PLCG1: variants seen among roughly 807,000 people sequenced by gnomAD.
The protein encoded by PLCG1 is 1-phosphatidylinositol 4,5-bisphosphate phosphodiesterase gamma-1.
A neutral mutation model predicts 177.8 loss-of-function variants in PLCG1; 71 were observed. The observed-to-expected ratio is 0.40, with a 90% CI of 0.33 to 0.49. The LOEUF (loss-of-function observed/expected upper bound fraction) is 0.49, where lower values mean the gene tolerates loss of function less well. PLCG1 is among the 20% of genes least tolerant of loss of function. The pLI is 0.72. For synonymous variants in PLCG1, 658 were observed against 647.9 expected (o/e 1.02, Z -0.24); for missense variants, 1,281 against 1,709.0 (o/e 0.75, Z 4.42).
rs901713096 is a variant in PLCG1 at position 41,144,506 on chromosome 20, C to T, written c.217+6648C>T. On this transcript the variant is annotated intron_variant, in intron 1 of 31. Transcript: ENST00000685551. The surrounding 1 kb of genome is among the most constrained non-coding windows in gnomAD (Gnocchi z 4.1). Reference sequence around the variant, plus strand: ...GCTTGGCCCACCCAGACCTTTCCCACACTCCTACATGGGGGTGAATGTAGC... The same window carrying T: ...GCTTGGCCCACCCAGACCTTTCCCATACTCCTACATGGGGGTGAATGTAGC... Among the ~76,000 whole-genome samples, 30 of 152,148 alleles carry T rather than the reference C, an allele frequency of 2.0e-4. No homozygotes were observed. The highest frequency in any genetic ancestry group is 7.0e-4 in the African/African-American group (29 of 41,438).
rs2035236898 is a variant in PLCG1 at position 41,153,782 on chromosome 20, G to T, written c.218-5824G>T. On this transcript the variant is annotated intron_variant, in intron 1 of 31. Coordinates refer to ENST00000685551, the MANE Select transcript of PLCG1 (RefSeq NM_002660.3). The surrounding 1 kb of genome is among the most constrained non-coding windows in gnomAD (Gnocchi z 5.1). ...ATGGTGGTGTGCATCTGTAATCCCA[G>T]CTACTTGGGAGACTGAGGTATGAGA... is the stretch of plus-strand genomic sequence containing the variant. 6.6e-6 allele frequency among the ~76,000 whole-genome samples: 1 copy of T among 152,152 alleles called. No individual in the cohort carries two copies. Among genetic ancestry groups the T allele is most frequent in the South Asian group, 2.1e-4 (1 of 4,814 alleles).
Position 41,169,169 on chromosome 20 carries a change from G to A in PLCG1, c.2574G>A (p.Glu858=), listed in dbSNP as rs549911468. 8.7e-6 allele frequency: 14 copies of A among 1,609,702 alleles called. No individual in the cohort carries two copies. The Admixed American group carries it at 2.0e-4, about 23-fold the overall frequency. ...TCAACCCCGTGGCCCTGGAGCCGGA[G>A]AGGGAGGTAAGACCAGAACCACCTG... ...EMVNPVALEP[E]REHLDENSPL... is the part of the protein sequence containing the mutation. Residue 858 remains glutamate, a synonymous_variant, in exon 22 of 32, where the codon GAG becomes GAA. Coordinates refer to ENST00000685551, the MANE Select transcript of PLCG1 (RefSeq NM_002660.3).
At chr20:41,169,714 C>T in intron 23 of PLCG1, 188 bp downstream of exon 23, 1 of 600,890 alleles carries the variant, frequency 1.7e-6, no homozygotes, top group Middle Eastern at 4.5e-4. Context: ...GCTTTGACCC[C>T]TGCATGTTTA....
At position 41,163,722 on chromosome 20, in the gene PLCG1, CCTT is replaced by C; in HGVS notation, c.901_903del (p.Phe301del). On this transcript the variant is annotated inframe_deletion, in exon 10 of 32. Coordinates refer to ENST00000685551, the MANE Select transcript of PLCG1 (RefSeq NM_002660.3). This position sits in a 1 kb window ranked among gnomAD's most constrained non-coding sequence, Gnocchi z 5.2. ...CCACATGTTTCTGGACAGTTTGTCA[CCTT>C]CCTGTTCTCCAAAGAGAACAGTGTG... The C allele has an allele frequency of 6.2e-7, 1 of 1,604,188 alleles. No homozygotes were observed. Among genetic ancestry groups the C allele is most frequent in the South Asian group, 1.1e-5 (1 of 90,882 alleles).
Position 41,166,842 on chromosome 20 carries a change from G to A in PLCG1, c.2284G>A (p.Glu762Lys). 2 of 1,614,170 alleles carry A rather than the reference G, an allele frequency of 1.2e-6. No individual in the cohort carries two copies. The highest frequency in any genetic ancestry group is 1.7e-6 in the Non-Finnish European group (2 of 1,180,038). Residue 762 changes from glutamate to lysine, a missense_variant, in exon 19 of 32, where the codon GAG becomes AAG. Transcript: ENST00000685551. This position sits in a 1 kb window ranked among gnomAD's most constrained non-coding sequence, Gnocchi z 8.6. ...CTATCCCATCAACGAGGAGGCACTG[G>A]AGAAGATTGGCACAGCTGTGAGGGG... The part of the protein sequence containing the change: ...LRYPINEEAL[E>K]KIGTAEPDYG...
chr20:41,155,198 C>T (rs1168484432), intron 1 of PLCG1, among the ~76,000 whole-genome samples: 1 of 152,188 alleles, frequency 6.6e-6, no homozygotes, highest in Non-Finnish European at 1.5e-5. Flanking sequence ...TAGAGCTGGC[C>T]CCAGGTGCCA....
intron 1 of PLCG1, among the ~76,000 whole-genome samples, chr20:41,142,697 A>G (rs1600630389): frequency 6.6e-6 from 1 of 152,212 alleles, no homozygotes; most frequent in South Asian, 2.1e-4. Flanking sequence ...CTTAAAGCAT[A>G]TGACTACCTC....
Position 41,174,848 on chromosome 20 carries a change from G to C in PLCG1, c.*339G>C, listed in dbSNP as rs1192081552. 1.3e-5 allele frequency: 4 copies of C among 314,748 alleles called. No homozygotes were observed. Among genetic ancestry groups the C allele is most frequent in the African/African-American group, 4.3e-5 (2 of 46,524 alleles). 19.5% of individuals were successfully genotyped at this position (314,748 alleles called of 1,614,324 possible). The stretch of plus-strand genomic sequence containing the variant: ...GAGAGAGAGGCTGCCTCAGCCAGTG[G>C]CACAGGAGACTCCAAGGAGCTACTG... On this transcript the variant is annotated 3_prime_UTR_variant, in exon 32 of 32. Transcript: ENST00000685551. This position sits in a 1 kb window ranked among gnomAD's most constrained non-coding sequence, Gnocchi z 5.8.
rs766440320 is a variant in PLCG1 at position 41,166,429 on chromosome 20, C to T, written c.2000+35C>T. 7.9e-5 allele frequency: 127 copies of T among 1,613,868 alleles called. No individual in the cohort carries two copies. The highest frequency in any genetic ancestry group is 9.9e-5 in the Non-Finnish European group (117 of 1,180,042). On this transcript the variant is annotated intron_variant, in intron 17 of 31. Coordinates refer to ENST00000685551, the MANE Select transcript of PLCG1 (RefSeq NM_002660.3). The surrounding 1 kb of genome is among the most constrained non-coding windows in gnomAD (Gnocchi z 8.6). Reference sequence around the variant, plus strand: ...GGGCCTGGGGGCGGACAAGGCAGGGCAGGGCCATGGGTGGTGCTGGCCGGG... The same window carrying T: ...GGGCCTGGGGGCGGACAAGGCAGGGTAGGGCCATGGGTGGTGCTGGCCGGG...
At position 41,157,454 on chromosome 20, in the gene PLCG1, T is replaced by G. The variant is rs1204106118; in HGVS notation, c.218-2152T>G. Among the ~76,000 whole-genome samples the G allele has an allele frequency of 2.6e-5, 4 of 152,192 alleles. No homozygotes were observed. Among genetic ancestry groups the G allele is most frequent in the South Asian group, 2.1e-4 (1 of 4,820 alleles). ...TTTATGGCCCAGTTCTCCCTGCCCC[T>G]GTTTCTACCCGAGTATAACTGTTCA... On this transcript the variant is annotated intron_variant, in intron 1 of 31. Coordinates refer to ENST00000685551, the MANE Select transcript of PLCG1 (RefSeq NM_002660.3). This position sits in a 1 kb window ranked among gnomAD's most constrained non-coding sequence, Gnocchi z 5.4.
chr20:41,137,615 G>T lies in PLCG1; in HGVS notation c.-27G>T. On this transcript the variant is annotated 5_prime_UTR_variant, in exon 1 of 32. Coordinates refer to ENST00000685551, the MANE Select transcript of PLCG1 (RefSeq NM_002660.3). This position sits in a 1 kb window ranked among gnomAD's most constrained non-coding sequence, Gnocchi z 7.3. ...TTGCTCCCGGGCGGTCCTGGCCTGT[G>T]CCGCCGCCGCCCCCAGCGTCGGAGC... is the stretch of plus-strand genomic sequence containing the variant. 1 of 1,298,068 alleles carries T rather than the reference G, an allele frequency of 7.7e-7. No homozygotes were observed. Among genetic ancestry groups the T allele is most frequent in the Non-Finnish European group, 9.8e-7 (1 of 1,017,212 alleles). 80.4% of individuals were successfully genotyped at this position (1,298,068 alleles called of 1,614,324 possible).
intron 4 of PLCG1, among the ~76,000 whole-genome samples, chr20:41,161,293 C>G (rs562418942): frequency 6.6e-6 from 1 of 152,158 alleles, no homozygotes; most frequent in South Asian, 2.1e-4. Context: ...GTGAGAAGAG[C>G]GGTGTCACCC....
rs2035031541 is a variant in PLCG1, at chr20:41,147,543, G to T, written c.217+9685G>T. Among the ~76,000 whole-genome samples, 1 of 152,214 alleles carries T rather than the reference G, an allele frequency of 6.6e-6. No individual in the cohort carries two copies. The highest frequency in any genetic ancestry group is 1.5e-5 in the Non-Finnish European group (1 of 68,028). On this transcript the variant is annotated intron_variant, in intron 1 of 31. Coordinates refer to ENST00000685551, the MANE Select transcript of PLCG1 (RefSeq NM_002660.3). The surrounding 1 kb of genome is among the most constrained non-coding windows in gnomAD (Gnocchi z 4.0). ...AAGGTAGCCATCTCTCTCAGTAGGG[G>T]AGGTGAGTTCAAAGAATTTAAGCTG...
chr20:41,171,355 G>A (rs908531889), intron 24 of PLCG1, among the ~76,000 whole-genome samples: 2 of 152,168 alleles, frequency 1.3e-5, no homozygotes, highest in African/African-American at 4.8e-5. Flanking sequence ...GGGAGGCCGA[G>A]ATGGGCAGAT....
intron 1 of PLCG1, among the ~76,000 whole-genome samples, chr20:41,142,991 C>T (rs944461655): frequency 5.9e-5 from 9 of 152,164 alleles, no homozygotes; most frequent in Non-Finnish European, 1.2e-4. Context: ...CAAGGAGGCC[C>T]GCCCATCCTC....
chr20:41,141,016 A>G (rs968171992), intron 1 of PLCG1, among the ~76,000 whole-genome samples: 6 of 152,202 alleles, frequency 3.9e-5, no homozygotes, highest in Non-Finnish European at 7.3e-5. Flanking sequence ...CATGCATTAC[A>G]GGGCAAAGAC....
In PLCG1 at chr20:41,159,406, T is replaced by C. The variant is rs2035421965; in HGVS notation, c.218-200T>C. ...TTCCCCCATATAGCCCTCTCTGACA[T>C]CTCAGCCCTTACTTAGCAAAGGCCT... On this transcript the variant is annotated intron_variant, in intron 1 of 31. Coordinates refer to ENST00000685551, the MANE Select transcript of PLCG1 (RefSeq NM_002660.3). This position sits in a 1 kb window ranked among gnomAD's most constrained non-coding sequence, Gnocchi z 6.0. Among the ~76,000 whole-genome samples the C allele has an allele frequency of 6.6e-6, 1 of 152,140 alleles. No homozygotes were observed. The highest frequency in any genetic ancestry group is 1.9e-4 in the East Asian group (1 of 5,188).
rs531682799 is a variant in PLCG1, at chr20:41,153,228, T to G, written c.218-6378T>G. 1.3e-5 allele frequency among the ~76,000 whole-genome samples: 2 copies of G among 152,246 alleles called. No individual in the cohort carries two copies. Among genetic ancestry groups the G allele is most frequent in the Non-Finnish European group, 2.9e-5 (2 of 68,040 alleles). On this transcript the variant is annotated intron_variant, in intron 1 of 31. Transcript: ENST00000685551. The surrounding 1 kb of genome is among the most constrained non-coding windows in gnomAD (Gnocchi z 5.1). Reference sequence around the variant, plus strand: ...CTCCATGCATGTTTAAATGGATAGTTTTTGCTACCATTTACATCAATTAGC... The same window carrying G: ...CTCCATGCATGTTTAAATGGATAGTGTTTGCTACCATTTACATCAATTAGC...
In PLCG1 at chr20:41,173,334, C is replaced by A. The variant is rs1160876081; in HGVS notation, c.3280-86C>A. 6 of 1,402,638 alleles carry A rather than the reference C, an allele frequency of 4.3e-6. No homozygotes were observed. In the East Asian group the frequency reaches 1.2e-4, roughly 29 times the overall value. The allele number at this position is 1,402,638 out of a possible 1,614,324, so 86.9% of individuals were successfully genotyped here. Reference sequence around the variant, plus strand: ...CCCAGCAGAGGGCGCGCTGCCTCCACTCCACAGATGCTGACTGAGCCTCCG... The same window carrying A: ...CCCAGCAGAGGGCGCGCTGCCTCCAATCCACAGATGCTGACTGAGCCTCCG... On this transcript the variant is annotated intron_variant, in intron 27 of 31. Coordinates refer to ENST00000685551, the MANE Select transcript of PLCG1 (RefSeq NM_002660.3). The surrounding 1 kb of genome is among the most constrained non-coding windows in gnomAD (Gnocchi z 6.2).
Sources: gnomAD v4.1 joint callset for allele counts (sites outside exome capture counted in the v4.1 genomes callset) on GRCh38, gnomAD v4.1.1 for gene constraint, Gnocchi (gnomAD v3.1) non-coding constraint, MANE v1.5 for transcripts, NCBI Gene and HGNC (gene_info 2026-07-23, HGNC 2026-07-21) for gene names.